CSMD3: variants seen among roughly 807,000 people sequenced by gnomAD.
CSMD3 encodes the protein CUB and sushi domain-containing protein 3.
A neutral mutation model predicts 435.2 loss-of-function variants in CSMD3; 177 were observed. The observed-to-expected ratio is 0.41, with a 90% confidence interval of 0.36 to 0.46. The LOEUF (loss-of-function observed/expected upper bound fraction) is 0.46. CSMD3 is among the 20% of genes least tolerant of loss of function. The pLI is 0.34. For synonymous variants in CSMD3, 1,656 were observed against 1,520.5 expected, an observed-to-expected ratio of 1.09 and a Z score of -2.07; for missense variants, 4,265 against 4,504.6, an observed-to-expected ratio of 0.95 and a Z score of 1.52.
intron 10 of CSMD3, among the ~76,000 whole-genome samples, chr8:112,906,936 T>G (rs1236330645): frequency 1.3e-5 from 2 of 151,566 alleles, no homozygotes; most frequent in Middle Eastern, 3.2e-3. Flanking sequence ...CGCTGCTGAA[T>G]TATAACGAAG....
chr8:112,808,540 CCA>C (rs1279601190), intron 12 of CSMD3, among the ~76,000 whole-genome samples: 7 of 152,054 alleles, frequency 4.6e-5, no homozygotes, highest in Admixed American at 4.6e-4. Context: ...CAAGCTATAT[CCA>C]CAGTTTCCAG....
chr8:112,899,404 T>C (rs2130418504), intron 10 of CSMD3, among the ~76,000 whole-genome samples: 1 of 150,228 alleles, frequency 6.7e-6, no homozygotes, highest in African/African-American at 2.4e-5. Flanking sequence ...CTAAAATATG[T>C]GCATATAGGC....
chr8:112,615,889 G>C (rs1431365231), intron 22 of CSMD3, among the ~76,000 whole-genome samples: 1 of 152,012 alleles, frequency 6.6e-6, no homozygotes, highest in Non-Finnish European at 1.5e-5. Context: ...TCACCGAAAG[G>C]CTCCAACAAC....
intron 59 of CSMD3, among the ~76,000 whole-genome samples, chr8:112,270,351 T>TGG (rs1817363229): frequency 1.7e-5 from 1 of 58,396 alleles, no homozygotes; most frequent in African/African-American, 1.5e-4. Flanking sequence ...TGAGTGTGTG[T>TGG]GTGTGTGTGT....
At chr8:113,386,930 G>C (rs1426042244) in intron 1 of CSMD3, among the ~76,000 whole-genome samples, 13 of 151,722 alleles carry the variant, frequency 8.6e-5, no homozygotes, top group Admixed American at 6.6e-4. Flanking sequence ...TGAAAGAAGA[G>C]AGCTTCCCGC....
chr8:112,768,421 G>A lies in CSMD3; in HGVS notation c.1972+31741C>T, dbSNP rs186378152. ...ATTTTATTCCTTCAACTTCTTTGAT[G>A]AGACTAAAAGTAAAGCTCACCATAT... On this transcript the variant is annotated intron_variant, in intron 13 of 70. Coordinates refer to ENST00000297405, the MANE Select transcript of CSMD3 (RefSeq NM_198123.2). 1.2e-3 allele frequency among the ~76,000 whole-genome samples: 176 copies of A among 151,882 alleles called. 2 individuals are homozygous for A. The highest frequency in any genetic ancestry group is 2.4e-4 in the Non-Finnish European group (16 of 67,850).
At chr8:113,415,756 A>G (rs1354094236) in intron 1 of CSMD3, among the ~76,000 whole-genome samples, 2 of 152,118 alleles carry the variant, frequency 1.3e-5, no homozygotes, top group Non-Finnish European at 2.9e-5. Flanking sequence ...CACTTTGGGT[A>G]GGGTTGTCAT....
chr8:112,509,502 A>C (rs990857465), intron 28 of CSMD3, among the ~76,000 whole-genome samples: 1 of 152,150 alleles, frequency 6.6e-6, no homozygotes, highest in Non-Finnish European at 1.5e-5. Flanking sequence ...CTTATACTTA[A>C]GTGACTTCTG....
intron 3 of CSMD3, 85 bp from the exon 4 acceptor site, chr8:113,174,001 T>G: frequency 3.2e-6 from 3 of 945,370 alleles, no homozygotes; most frequent in Non-Finnish European, 3.4e-6. Context: ...TATATGTAGA[T>G]ATGGATATTC....
intron 27 of CSMD3, among the ~76,000 whole-genome samples, chr8:112,544,273 A>C (rs1176151277): frequency 1.3e-5 from 2 of 152,154 alleles, no homozygotes; most frequent in Non-Finnish European, 2.9e-5. Flanking sequence ...GTGGCTGTTG[A>C]AGATAGGTAC....
At chr8:112,678,714 A>T (rs986548331) in intron 16 of CSMD3, among the ~76,000 whole-genome samples, 1 of 151,914 alleles carries the variant, frequency 6.6e-6, no homozygotes, top group Non-Finnish European at 1.5e-5. Flanking sequence ...ATCCATATAT[A>T]TATATAACTT....
chr8:112,690,053 G>A lies in CSMD3; in HGVS notation c.1973-3C>T, dbSNP rs2131825617. The A allele has an allele frequency of 6.2e-7, 1 of 1,611,936 alleles. No homozygotes were observed. Among genetic ancestry groups the A allele is most frequent in the Non-Finnish European group, 8.5e-7 (1 of 1,178,524 alleles). On this transcript the variant is annotated splice_polypyrimidine_tract_variant and splice_region_variant and intron_variant, in intron 13 of 70. Coordinates refer to ENST00000297405, the MANE Select transcript of CSMD3 (RefSeq NM_198123.2). ...ACCACAACTTTCTTTCTCAATTTCTGGAAAAATAGAAGATAAAAGTCACCT... is the reference window on the plus strand; with the variant it reads ...ACCACAACTTTCTTTCTCAATTTCTAGAAAAATAGAAGATAAAAGTCACCT...
chr8:112,864,509 C>T (rs556081395), intron 10 of CSMD3, among the ~76,000 whole-genome samples: 45 of 152,144 alleles, frequency 3.0e-4, no homozygotes, highest in Non-Finnish European at 5.1e-4. Flanking sequence ...CCTCAGCCTC[C>T]GGAAATGCTG....
intron 52 of CSMD3, among the ~76,000 whole-genome samples, chr8:112,302,686 C>T (rs1821048843): frequency 6.6e-6 from 1 of 151,764 alleles, no homozygotes. Flanking sequence ...ATGTAATGCT[C>T]AAAACAACTC....
chr8:112,402,926 G>T (rs1831461091), intron 35 of CSMD3, among the ~76,000 whole-genome samples: 1 of 152,086 alleles, frequency 6.6e-6, no homozygotes, highest in South Asian at 2.1e-4. Flanking sequence ...TGAGTATGAA[G>T]TCAATGTATT....
rs2130059369 is a variant in CSMD3, at chr8:113,429,909, G to A, written c.178+6768C>T. Among the ~76,000 whole-genome samples, 4 of 152,258 alleles carry A rather than the reference G, an allele frequency of 2.6e-5. No homozygotes were observed. The South Asian group carries it at 8.3e-4, about 32-fold the overall frequency. On this transcript the variant is annotated intron_variant, in intron 1 of 70. Transcript: ENST00000297405. ...AACTAGCTGATATTTAAGGACCTAT[G>A]AATGTCATGATTTGTGACAAGATGA...
chr8:112,506,483 G>A (rs144851247), intron 29 of CSMD3, among the ~76,000 whole-genome samples: 99 of 152,156 alleles, frequency 6.5e-4, no homozygotes, highest in African/African-American at 2.3e-3. Flanking sequence ...GCTTCATGCG[G>A]GAAAATGGAG....
At chr8:112,862,291 G>T (rs1409086398) in intron 10 of CSMD3, among the ~76,000 whole-genome samples, 1 of 151,894 alleles carries the variant, frequency 6.6e-6, no homozygotes, top group African/African-American at 2.4e-5. Flanking sequence ...TAATGTATTT[G>T]TGTGTTTTAA....
intron 10 of CSMD3, among the ~76,000 whole-genome samples, chr8:112,921,371 G>A (rs551054058): frequency 6.6e-5 from 10 of 151,956 alleles, no homozygotes; most frequent in Non-Finnish European, 1.5e-4. Flanking sequence ...AAAAAATGCC[G>A]ACAATGTTTC....
Sources: gnomAD v4.1 joint callset for allele counts (sites outside exome capture counted in the v4.1 genomes callset) on GRCh38, gnomAD v4.1.1 for gene constraint, MANE v1.5 for transcripts, NCBI Gene and HGNC (gene_info 2026-07-23, HGNC 2026-07-21) for gene names.